TRDN: variants seen among roughly 807,000 people sequenced by gnomAD.
TRDN encodes triadin in skeletal muscle.
A neutral mutation model predicts 149.7 loss-of-function variants in TRDN; 161 were observed. The observed-to-expected ratio is 1.08, with a 90% confidence interval of 0.95 to 1.23. TRDN has a LOEUF of 1.23. Ranked by LOEUF, TRDN falls within the 50% of genes most tolerant of loss-of-function variation. TRDN has a pLI of 0.00. For synonymous variants in TRDN, 294 were observed against 250.5 expected (o/e 1.17, Z -1.64); for missense variants, 896 against 823.5 (o/e 1.09, Z -1.08).
chr6:123,223,776 A>G (rs749722000), intron 39 of TRDN, among the ~76,000 whole-genome samples: 2 of 149,190 alleles, frequency 1.3e-5, no homozygotes, highest in Non-Finnish European at 3.0e-5. Context: ...AAGTCTTCTT[A>G]ATAAAATCAT....
chr6:123,280,499 C>T (rs1365687880), intron 24 of TRDN, among the ~76,000 whole-genome samples: 1 of 152,060 alleles, frequency 6.6e-6, no homozygotes, highest in Non-Finnish European at 1.5e-5. Context: ...ATTGCATTGA[C>T]TCTATAGGTC....
rs939521969 is a variant in TRDN, at chr6:123,217,669, C to T, written c.*932G>A. The T allele has an allele frequency of 6.6e-6, 1 of 151,928 alleles. No individual in the cohort carries two copies. The highest frequency in any genetic ancestry group is 2.4e-5 in the African/African-American group (1 of 41,392). 9.4% of individuals were successfully genotyped at this position (151,928 alleles called of 1,614,324 possible). On this transcript the variant is annotated 3_prime_UTR_variant, in exon 41 of 41. Coordinates refer to ENST00000334268, the MANE Select transcript of TRDN (RefSeq NM_006073.4). ...AAATGAATTCCTTAAACTTTGATGGCATTCATATTTTGCCATTATGAGAAA... is the reference window on the plus strand; with the variant it reads ...AAATGAATTCCTTAAACTTTGATGGTATTCATATTTTGCCATTATGAGAAA...
chr6:123,235,695 A>G (rs1775760072), intron 38 of TRDN, among the ~76,000 whole-genome samples: 1 of 152,150 alleles, frequency 6.6e-6, no homozygotes, highest in Non-Finnish European at 1.5e-5. Context: ...TCCAAAAAAT[A>G]CCTTTGTTCT....
intron 10 of TRDN, among the ~76,000 whole-genome samples, chr6:123,463,511 T>C (rs935018897): frequency 6.6e-6 from 1 of 152,070 alleles, no homozygotes. Context: ...TAACTTGGCA[T>C]CAAACACTTG....
intron 6 of TRDN, among the ~76,000 whole-genome samples, chr6:123,513,386 T>G (rs1244829692): frequency 3.9e-5 from 6 of 152,166 alleles, no homozygotes; most frequent in East Asian, 1.9e-4. Flanking sequence ...GCTTTTCAAT[T>G]TGAATACATT....
chr6:123,566,490 C>T (rs1446618348), intron 2 of TRDN, among the ~76,000 whole-genome samples: 1 of 152,164 alleles, frequency 6.6e-6, no homozygotes, highest in Non-Finnish European at 1.5e-5. Context: ...CAATCCAGTA[C>T]AGTATGAGCT....
intron 1 of TRDN, among the ~76,000 whole-genome samples, chr6:123,587,900 T>A (rs186407255): frequency 2.0e-4 from 31 of 152,242 alleles, no homozygotes; most frequent in Middle Eastern, 3.4e-3. Context: ...CCATTTTCAC[T>A]TCTTTTGTGG....
chr6:123,306,166 T>A (rs1778602509), intron 24 of TRDN, among the ~76,000 whole-genome samples: 2 of 152,188 alleles, frequency 1.3e-5, no homozygotes, highest in Admixed American at 1.3e-4. Context: ...TGATTGCTGA[T>A]GTCTGCCCAG....
intron 2 of TRDN, among the ~76,000 whole-genome samples, chr6:123,568,913 C>A (rs1280999631): frequency 3.9e-5 from 6 of 152,220 alleles, no homozygotes; most frequent in Admixed American, 1.3e-4. Context: ...CAAGTGGTTT[C>A]TCCACAGCCT....
chr6:123,236,122 A>G (rs1775778595), intron 38 of TRDN, among the ~76,000 whole-genome samples: 1 of 152,188 alleles, frequency 6.6e-6, no homozygotes. Flanking sequence ...CCTTCCCGAC[A>G]GCAATGTATG....
intron 2 of TRDN, among the ~76,000 whole-genome samples, chr6:123,570,176 A>G (rs1378716577): frequency 1.3e-5 from 2 of 152,194 alleles, no homozygotes; most frequent in Non-Finnish European, 2.9e-5. Flanking sequence ...TACATATGAG[A>G]GAACACATTA....
At chr6:123,241,458 A>C (rs1775985976) in intron 38 of TRDN, among the ~76,000 whole-genome samples, 1 of 151,714 alleles carries the variant, frequency 6.6e-6, no homozygotes, top group Non-Finnish European at 1.5e-5. Flanking sequence ...TAATTTTCAA[A>C]GTGCTTAATT....
At chr6:123,385,281 A>G (rs753525846) in intron 14 of TRDN, among the ~76,000 whole-genome samples, 32 of 152,112 alleles carry the variant, frequency 2.1e-4, no homozygotes, top group Non-Finnish European at 4.3e-4. Flanking sequence ...CAAAAAAATT[A>G]GCCGGGTGTG....
chr6:123,529,645 G>C (rs1317715849), intron 5 of TRDN, among the ~76,000 whole-genome samples: 1 of 151,954 alleles, frequency 6.6e-6, no homozygotes, highest in Non-Finnish European at 1.5e-5. Context: ...AGATAATTTT[G>C]CATTAGCTGG....
chr6:123,274,872 C>CA (rs957712177), intron 26 of TRDN, among the ~76,000 whole-genome samples: 25 of 150,344 alleles, frequency 1.7e-4, no homozygotes, highest in African/African-American at 3.9e-4. Context: ...GACTCCGTTT[C>CA]AAAAAAAAAC....
intron 9 of TRDN, among the ~76,000 whole-genome samples, chr6:123,473,477 C>T (rs1408909481): frequency 6.6e-6 from 1 of 151,866 alleles, no homozygotes; most frequent in Non-Finnish European, 1.5e-5. Flanking sequence ...ATTGGTGTAC[C>T]TGAAAGTGAT....
intron 36 of TRDN, 56 bp downstream of exon 36, chr6:123,255,811 A>G: frequency 8.3e-7 from 1 of 1,207,408 alleles, no homozygotes; most frequent in Non-Finnish European, 1.1e-6. Flanking sequence ...ATTTTGACTT[A>G]AAATATTTTA....
intron 1 of TRDN, among the ~76,000 whole-genome samples, chr6:123,590,282 G>A (rs1783715907): frequency 6.6e-6 from 1 of 152,130 alleles, no homozygotes; most frequent in South Asian, 2.1e-4. Context: ...GAACCCTATA[G>A]TGAATTGTGC....
chr6:123,417,959 A>G (rs959945295), intron 12 of TRDN, among the ~76,000 whole-genome samples: 1 of 152,126 alleles, frequency 6.6e-6, no homozygotes, highest in East Asian at 1.9e-4. Context: ...TCAGCCCTTA[A>G]ATCACGTTTG....
Sources: gnomAD v4.1 joint callset for allele counts (sites outside exome capture counted in the v4.1 genomes callset) on GRCh38, gnomAD v4.1.1 for gene constraint, MANE v1.5 for transcripts, NCBI Gene and HGNC (gene_info 2026-07-23, HGNC 2026-07-21) for gene names.